The following FAM174B variants were observed in gnomAD, a reference collection of about 807,000 sequenced individuals.
FAM174B encodes the protein family with sequence similarity 174 member B.
FAM174B carries 12 observed loss-of-function variants against 10.9 expected under a neutral mutation model. The observed-to-expected ratio is 1.10, with a 90% CI of 0.71 to 1.79. The LOEUF (loss-of-function observed/expected upper bound fraction) is 1.79. Ranked by LOEUF, FAM174B falls within the 40% of genes most tolerant of loss-of-function variation. The probability of loss-of-function intolerance (pLI) is 0.00; values close to 1 mark genes in which losing one functional copy is unlikely to be tolerated. For missense variants in FAM174B, 266 were observed against 233.3 expected, an observed-to-expected ratio of 1.14 and a Z score of -0.91; for synonymous variants, 132 against 115.8, an observed-to-expected ratio of 1.14 and a Z score of -0.90.
chr15:92,637,325 T>C (rs2050862481), intron 1 of FAM174B, among the ~76,000 whole-genome samples: 1 of 152,060 alleles, frequency 6.6e-6, no homozygotes, highest in South Asian at 2.1e-4. Flanking sequence ...GTAAAGGCAA[T>C]ATGGTAGAGG....
Position 92,655,655 on chromosome 15 carries a change from C to G in FAM174B, c.5G>C (p.Arg2Pro). Residue 2 changes from arginine (R) to proline (P), a missense_variant, in exon 1 of 3, where the codon CGC becomes CCC. Physicochemically the swap from Arg to Pro is moderately radical, Grantham distance 103. Coordinates refer to ENST00000327355, the MANE Select transcript of FAM174B (RefSeq NM_207446.3). M[R>P]AVPLPAPLLP... ...GAGCGGGGCGGGCAGCGGCACGGCG[C>G]GCATAGTGCGGTGGGTCGGCACAGG... is the stretch of plus-strand genomic sequence containing the variant. 1 of 1,256,742 alleles carries G rather than the reference C, an allele frequency of 8.0e-7. No homozygotes were observed. The highest frequency in any genetic ancestry group is 9.9e-7 in the Non-Finnish European group (1 of 1,006,182). 77.8% of individuals were successfully genotyped at this position (1,256,742 alleles called of 1,614,324 possible).
chr15:92,627,193 C>T (rs2050758962), intron 2 of FAM174B: 1 of 152,722 alleles, frequency 6.5e-6, no homozygotes, highest in African/African-American at 2.4e-5. Context: ...AGGTGTCTCA[C>T]TAACTTTTGC....
chr15:92,653,491 C>G (rs2050980422), intron 1 of FAM174B, among the ~76,000 whole-genome samples: 1 of 152,246 alleles, frequency 6.6e-6, no homozygotes, highest in African/African-American at 2.4e-5. Context: ...TCCAACTGAA[C>G]AATCAGGAAG....
chr15:92,648,726 G>T (rs1395608007), intron 1 of FAM174B, among the ~76,000 whole-genome samples: 1 of 152,142 alleles, frequency 6.6e-6, no homozygotes, highest in East Asian at 1.9e-4. Flanking sequence ...GCTCTGCCAG[G>T]CCTACAAGAG....
At chr15:92,638,563 C>T (rs183800441) in intron 1 of FAM174B, among the ~76,000 whole-genome samples, 145 of 152,286 alleles carry the variant, frequency 9.5e-4, no homozygotes, top group African/African-American at 3.3e-3. Flanking sequence ...CAGTCAGAGC[C>T]ACCAACTCAA....
chr15:92,645,119 A>C (rs1225013586), intron 1 of FAM174B, among the ~76,000 whole-genome samples: 1 of 152,206 alleles, frequency 6.6e-6, no homozygotes, highest in African/African-American at 2.4e-5. Flanking sequence ...TCAGCTCAAA[A>C]TCATGAGCCC....
chr15:92,632,472 G>A (rs2050825809), intron 1 of FAM174B, among the ~76,000 whole-genome samples: 1 of 152,196 alleles, frequency 6.6e-6, no homozygotes, highest in South Asian at 2.1e-4. Flanking sequence ...AGCTGAGATT[G>A]CGCCACTGCC....
intron 1 of FAM174B, 126 bp downstream of exon 1, chr15:92,655,190 G>A (rs1036146357): frequency 1.5e-6 from 2 of 1,336,320 alleles, no homozygotes. Context: ...CAGGGCAGGA[G>A]GCACACGGCT....
chr15:92,631,729 C>T (rs551096602), intron 1 of FAM174B, among the ~76,000 whole-genome samples: 1 of 151,226 alleles, frequency 6.6e-6, no homozygotes, highest in Non-Finnish European at 1.5e-5. Flanking sequence ...ATCTCCTGAC[C>T]TCGTGATCTG....
chr15:92,655,072 C>T (rs917902035), intron 1 of FAM174B: 6 of 381,742 alleles, frequency 1.6e-5, no homozygotes, highest in African/African-American at 1.0e-4. Flanking sequence ...AAATGGGAAC[C>T]ACATATTTAT....
At chr15:92,625,793 G>T (rs1246746311) in intron 2 of FAM174B, among the ~76,000 whole-genome samples, 1 of 152,154 alleles carries the variant, frequency 6.6e-6, no homozygotes, top group Non-Finnish European at 1.5e-5. Context: ...CATTACCTCT[G>T]TAATAAGAAA....
chr15:92,636,002 G>C (rs773992878), intron 1 of FAM174B, among the ~76,000 whole-genome samples: 1 of 152,336 alleles, frequency 6.6e-6, no homozygotes, highest in East Asian at 1.9e-4. Context: ...AAGCCTGTCT[G>C]AACAGTGGGC....
intron 1 of FAM174B, among the ~76,000 whole-genome samples, chr15:92,652,933 G>T (rs934421560): frequency 6.6e-6 from 1 of 152,206 alleles, no homozygotes; most frequent in African/African-American, 2.4e-5. Flanking sequence ...CAGATGAGGT[G>T]CTGGCCCTGC....
chr15:92,652,361 G>A lies in FAM174B; in HGVS notation c.344+2955C>T, dbSNP rs149103379. On this transcript the variant is annotated intron_variant, in intron 1 of 2. Coordinates refer to ENST00000327355, the MANE Select transcript of FAM174B (RefSeq NM_207446.3). ...TGACCACGCAGTCTTAGTGACAGAGGGGACTCCAGGCAGAGGGGTAGAGTG... is the reference window on the plus strand; with the variant it reads ...TGACCACGCAGTCTTAGTGACAGAGAGGACTCCAGGCAGAGGGGTAGAGTG... Among the ~76,000 whole-genome samples the A allele has an allele frequency of 8.4e-4, 128 of 152,288 alleles. 1 individual carries two copies. Among genetic ancestry groups the A allele is most frequent in the African/African-American group, 3.0e-3 (123 of 41,558 alleles).
In FAM174B at chr15:92,635,158, TCC is replaced by T. The variant is rs1567046651; in HGVS notation, c.345-4815_345-4814del. 1.3e-4 allele frequency among the ~76,000 whole-genome samples: 11 copies of T among 85,100 alleles called. No homozygotes were observed. The Admixed American group carries it at 1.6e-3, about 13-fold the overall frequency. The allele number at this position is 85,100 out of a possible 152,430, so 55.8% of individuals were successfully genotyped here. A position where few individuals can be genotyped will look rare whatever the true frequency, so the allele number is the denominator to read the frequency against. On this transcript the variant is annotated intron_variant, in intron 1 of 2. Transcript: ENST00000327355. ...TCTCCTCTCTTTCGCTCACTATCTC[TCC>T]ACACACACCCACACACACACACACA...
At chr15:92,626,761 A>G (rs1268212904) in intron 2 of FAM174B, among the ~76,000 whole-genome samples, 1 of 152,130 alleles carries the variant, frequency 6.6e-6, no homozygotes, top group Non-Finnish European at 1.5e-5. Context: ...ATTAAAAACC[A>G]CCAAGTGCTG....
At chr15:92,627,630 C>G (rs114952285) in intron 2 of FAM174B, among the ~76,000 whole-genome samples, 481 of 152,270 alleles carry the variant, frequency 3.2e-3, no homozygotes, top group African/African-American at 0.011. Flanking sequence ...TGTGGAGACA[C>G]CACAAAAATA....
At chr15:92,646,882 A>G (rs938013836) in intron 1 of FAM174B, among the ~76,000 whole-genome samples, 2 of 152,148 alleles carry the variant, frequency 1.3e-5, no homozygotes, top group Admixed American at 6.5e-5. Context: ...ACCAATGTAC[A>G]TCTTACATGT....
At chr15:92,636,531 G>A (rs747893974) in intron 1 of FAM174B, among the ~76,000 whole-genome samples, 3 of 152,222 alleles carry the variant, frequency 2.0e-5, no homozygotes, top group Non-Finnish European at 4.4e-5. Flanking sequence ...GAAGCAGGCA[G>A]TCCAGTGACC....
Sources: gnomAD v4.1 joint callset for allele counts (sites outside exome capture counted in the v4.1 genomes callset) on GRCh38, gnomAD v4.1.1 for gene constraint, MANE v1.5 for transcripts, NCBI Gene and HGNC (gene_info 2026-07-23, HGNC 2026-07-21) for gene names.